SYT7: variants seen among roughly 807,000 people sequenced by gnomAD.
The protein encoded by SYT7 is synaptotagmin-7.
Under a neutral mutation model 75.1 loss-of-function variants are expected in SYT7, and 29 were observed. The ratio of observed to expected loss-of-function variants is 0.39; its 90% CI spans 0.29 to 0.53. SYT7 has a LOEUF of 0.53. Ranked by LOEUF, SYT7 falls within the 20% of genes least tolerant of loss-of-function variation. The probability of loss-of-function intolerance (pLI) is 0.77; values close to 1 mark genes in which losing one functional copy is unlikely to be tolerated. For synonymous variants in SYT7, 376 were observed against 401.7 expected (o/e 0.94, Z 0.76); for missense variants, 693 against 953.2 (o/e 0.73, Z 3.59).
chr11:61,581,486 G>A (rs1156982120), upstream of SYT7, among the ~76,000 whole-genome samples: 2 of 152,260 alleles, frequency 1.3e-5, no homozygotes, highest in African/African-American at 2.4e-5. Flanking sequence ...AAGGCGTGGA[G>A]ATCCACTCCG....
Position 61,568,017 on chromosome 11 carries a change from C to A in SYT7, c.32-11810G>T, listed in dbSNP as rs1351539958. 2.0e-5 allele frequency among the ~76,000 whole-genome samples: 3 copies of A among 152,346 alleles called. No homozygotes were observed. The East Asian group carries it at 5.8e-4, about 29-fold the overall frequency. ...TGGGGAAGGCTTGTTTAAACAAACA[C>A]CAACCTTTCCTCTGTGGCAGGGCCA... is the stretch of plus-strand genomic sequence containing the variant. On this transcript the variant is annotated intron_variant, in intron 1 of 12. Coordinates refer to ENST00000539008, the MANE Select transcript of SYT7 (RefSeq NM_001365809.2).
chr11:61,579,549 G>A (rs933531682), intron 1 of SYT7, among the ~76,000 whole-genome samples: 1 of 152,092 alleles, frequency 6.6e-6, no homozygotes, highest in Non-Finnish European at 1.5e-5. Flanking sequence ...GGTGGGAGCC[G>A]ATTCCTCAGG....
chr11:61,543,118 T>A (rs1417427053), intron 5 of SYT7, among the ~76,000 whole-genome samples: 2 of 152,148 alleles, frequency 1.3e-5, no homozygotes, highest in Non-Finnish European at 2.9e-5. Context: ...GGGGAAGCCA[T>A]CAGTTCTTAT....
intron 2 of SYT7, 105 bp downstream of exon 2, chr11:61,555,999 C>G: frequency 9.5e-7 from 1 of 1,056,456 alleles, no homozygotes; most frequent in Non-Finnish European, 1.4e-6. Context: ...CACCTGTGTG[C>G]ACCCTTGGGA....
rs1300771994 is a variant in SYT7 at position 61,542,446 on chromosome 11, G to A, written c.706C>T (p.Arg236Trp). 13 of 1,532,684 alleles carry A rather than the reference G, an allele frequency of 8.5e-6. No individual in the cohort carries two copies. Among genetic ancestry groups the A allele is most frequent in the Admixed American group, 5.9e-5 (3 of 50,900 alleles). 94.9% of individuals were successfully genotyped at this position (1,532,684 alleles called of 1,614,324 possible). A position where few individuals can be genotyped will look rare whatever the true frequency, so the allele number is the denominator to read the frequency against. ...GTGGGCTGGCTGGGCTGCCGGCCCCGCTGGTGCTGGCTCAGCGGCTGTTGC... is the reference window on the plus strand; with the variant it reads ...GTGGGCTGGCTGGGCTGCCGGCCCCACTGGTGCTGGCTCAGCGGCTGTTGC... ...SLQQPLSQHQ[R>W]GRQPSQPTTS... The change falls in exon 6 of 13, where the codon CGG (arginine) becomes TGG (tryptophan). Residue 236 changes from arginine (R) to tryptophan (W), a missense_variant. This residue lies in a region of SYT7 where 487 missense variants were observed against 593.2 expected (regional missense o/e 0.82). Coordinates refer to ENST00000539008, the MANE Select transcript of SYT7 (RefSeq NM_001365809.2). This position sits in a 1 kb window ranked among gnomAD's most constrained non-coding sequence, Gnocchi z 7.8.
At position 61,546,016 on chromosome 11, in the gene SYT7, G is replaced by T. The variant is rs754407072; in HGVS notation, c.572+15C>A. 6.5e-7 allele frequency: 1 copy of T among 1,531,744 alleles called. No individual in the cohort carries two copies. The highest frequency in any genetic ancestry group is 1.2e-5 in the South Asian group (1 of 83,906). 94.9% of individuals were successfully genotyped at this position (1,531,744 alleles called of 1,614,324 possible). A position where few individuals can be genotyped will look rare whatever the true frequency, so the allele number is the denominator to read the frequency against. ...GAGCTCATGGCTCCGGCAGCCATGGGGCGCCATCACTCACTTGGACAAGTT... is the reference window on the plus strand; with the variant it reads ...GAGCTCATGGCTCCGGCAGCCATGGTGCGCCATCACTCACTTGGACAAGTT... On this transcript the variant is annotated intron_variant, in intron 5 of 12. Coordinates refer to ENST00000539008, the MANE Select transcript of SYT7 (RefSeq NM_001365809.2). This position sits in a 1 kb window ranked among gnomAD's most constrained non-coding sequence, Gnocchi z 7.6.
At chr11:61,583,752 C>G (rs1252495410), upstream of SYT7, among the ~76,000 whole-genome samples, 1 of 152,236 alleles carries the variant, frequency 6.6e-6, no homozygotes, top group Admixed American at 6.5e-5. Context: ...CTGGACAGCT[C>G]CTCAGACACA....
intron 6 of SYT7, chr11:61,541,377 G>A: frequency 1.1e-6 from 1 of 905,128 alleles, no homozygotes; most frequent in Non-Finnish European, 1.3e-6. Context: ...GGCTCTGAGA[G>A]TGGGGGGCAG....
chr11:61,569,036 G>C, intron 1 of SYT7, among the ~76,000 whole-genome samples: 1 of 152,138 alleles, frequency 6.6e-6, no homozygotes, highest in East Asian at 1.9e-4. Flanking sequence ...GGACAAGCCA[G>C]GCAGGGAGTC....
chr11:61,523,748 T>C lies in SYT7; in HGVS notation c.1756+79A>G. The stretch of plus-strand genomic sequence containing the variant: ...TTGGGGTGAGGACCACTGCAGACCC[T>C]GCTCTCCACATCCGGTGTAAACCTT... On this transcript the variant is annotated intron_variant, in intron 11 of 12. Coordinates refer to ENST00000539008, the MANE Select transcript of SYT7 (RefSeq NM_001365809.2). The surrounding 1 kb of genome is among the most constrained non-coding windows in gnomAD (Gnocchi z 5.0). 7.2e-7 allele frequency: 1 copy of C among 1,393,914 alleles called. No individual in the cohort carries two copies. The highest frequency in any genetic ancestry group is 1.0e-6 in the Non-Finnish European group (1 of 994,304). 86.3% of individuals were successfully genotyped at this position (1,393,914 alleles called of 1,614,324 possible).
At chr11:61,582,085 TACACAC>T (rs36109978), upstream of SYT7, among the ~76,000 whole-genome samples, 131 of 147,792 alleles carry the variant, frequency 8.9e-4, no homozygotes, top group East Asian at 3.0e-3. Flanking sequence ...ATCACCTACA[TACACAC>T]ACACACACAC....
chr11:61,557,964 A>G (rs2135359281), intron 1 of SYT7, among the ~76,000 whole-genome samples: 1 of 152,348 alleles, frequency 6.6e-6, no homozygotes, highest in Non-Finnish European at 1.5e-5. Flanking sequence ...GACTCCAGGG[A>G]AGGGATGGGC....
the SYT7 span, among the ~76,000 whole-genome samples, chr11:61,588,275 C>T: frequency 7.9e-5 from 12 of 152,164 alleles, no homozygotes; most frequent in African/African-American, 1.7e-4. Flanking sequence ...GCCGGCAGCA[C>T]TTACTGAGCT....
intron 12 of SYT7, 44 bp from the exon 13 acceptor site, chr11:61,518,775 G>A (rs537175830): frequency 4.3e-6 from 6 of 1,393,208 alleles, no homozygotes; most frequent in Middle Eastern, 1.8e-4. Flanking sequence ...AGGCTCCAGG[G>A]CACTGGCCCT....
At chr11:61,526,769 G>A (rs1056103855) in intron 9 of SYT7, among the ~76,000 whole-genome samples, 2 of 152,182 alleles carry the variant, frequency 1.3e-5, no homozygotes, top group Non-Finnish European at 2.9e-5. Flanking sequence ...GGCCCTCATG[G>A]TGCCTGCAAA....
intron 5 of SYT7, among the ~76,000 whole-genome samples, chr11:61,544,026 T>G (rs1406843525): frequency 6.6e-6 from 1 of 152,208 alleles, no homozygotes; most frequent in African/African-American, 2.4e-5. Flanking sequence ...AAATAAAGTT[T>G]TATTGGAACC....
At chr11:61,535,398 G>A (rs969788809) in intron 7 of SYT7, among the ~76,000 whole-genome samples, 4 of 152,252 alleles carry the variant, frequency 2.6e-5, no homozygotes, top group Admixed American at 6.5e-5. Flanking sequence ...CCCCACTTGG[G>A]GTGGGGGTGG....
intron 12 of SYT7, among the ~76,000 whole-genome samples, chr11:61,522,465 C>T (rs151255880): frequency 0.02 from 3,067 of 152,248 alleles, 115 homozygotes; most frequent in African/African-American, 0.066. Context: ...GCTGGGATTA[C>T]AGGCATGAGC....
rs2064244879 is a variant in SYT7 at position 61,580,888 on chromosome 11, C to A, written c.-68G>T. 4 of 1,137,142 alleles carry A rather than the reference C, an allele frequency of 3.5e-6. No individual in the cohort carries two copies. The highest frequency in any genetic ancestry group is 4.3e-6 in the Non-Finnish European group (4 of 928,156). The allele number at this position is 1,137,142 out of a possible 1,614,324, so 70.4% of individuals were successfully genotyped here. On this transcript the variant is annotated 5_prime_UTR_variant, in exon 1 of 13. Coordinates refer to ENST00000539008, the MANE Select transcript of SYT7 (RefSeq NM_001365809.2). This position sits in a 1 kb window ranked among gnomAD's most constrained non-coding sequence, Gnocchi z 6.1. ...CCGCGGCCGCGCGCTGCTCCGCCGC[C>A]GCCGCTGGGCATGGGGCCGGGCGAC...
Sources: gnomAD v4.1 joint callset for allele counts (sites outside exome capture counted in the v4.1 genomes callset) on GRCh38, gnomAD v4.1.1 for gene constraint, gnomAD v4.1.1 regional missense constraint, Gnocchi (gnomAD v3.1) non-coding constraint, MANE v1.5 for transcripts, NCBI Gene and HGNC (gene_info 2026-07-23, HGNC 2026-07-21) for gene names.